BBX: variants seen among roughly 807,000 people sequenced by gnomAD.
BBX encodes the protein BBX high mobility group box domain containing.
A neutral mutation model predicts 100.2 loss-of-function variants in BBX; 30 were observed. That is an observed-to-expected ratio of 0.30 (90% CI 0.22 to 0.41). The LOEUF (loss-of-function observed/expected upper bound fraction) is 0.41, where lower values mean the gene tolerates loss of function less well. BBX is among the 10% of genes least tolerant of loss of function. BBX has a pLI of 1.00. For synonymous variants in BBX, 376 were observed against 388.1 expected (o/e 0.97, Z 0.37); for missense variants, 1,023 against 1,129.8 (o/e 0.91, Z 1.35).
chr3:107,775,326 TATC>T (rs2067235746), intron 12 of BBX, among the ~76,000 whole-genome samples: 1 of 152,114 alleles, frequency 6.6e-6, no homozygotes, highest in South Asian at 2.1e-4. Context: ...AAGATAAAAA[TATC>T]AGGTCAAATA....
intron 4 of BBX, among the ~76,000 whole-genome samples, chr3:107,711,019 C>T (rs540450659): frequency 1.3e-5 from 2 of 152,332 alleles, no homozygotes; most frequent in Admixed American, 6.5e-5. Flanking sequence ...CTCTCTTTGT[C>T]TCTATCCGTG....
chr3:107,781,300 G>C lies in BBX; in HGVS notation c.2203+2781G>C, dbSNP rs73850167. Among the ~76,000 whole-genome samples the C allele has an allele frequency of 5.8e-3, 879 of 152,020 alleles. 13 individuals carry two copies. Among genetic ancestry groups the C allele is most frequent in the African/African-American group, 0.02 (840 of 41,474 alleles). On this transcript the variant is annotated intron_variant, in intron 13 of 17. Transcript: ENST00000325805. ...CTCTTATGTCTGTGTCATAGGTCTT[G>C]TCAAAAACTTGACAATGAAAAGGGA...
chr3:107,809,643 A>G lies in BBX; in HGVS notation c.*4186A>G, dbSNP rs1170075731. 6.6e-6 allele frequency: 1 copy of G among 152,202 alleles called. No homozygotes were observed. The highest frequency in any genetic ancestry group is 1.5e-5 in the Non-Finnish European group (1 of 68,040). The allele number at this position is 152,202 out of a possible 1,614,324, so 9.4% of individuals were successfully genotyped here. A position where few individuals can be genotyped will look rare whatever the true frequency, so the allele number is the denominator to read the frequency against. ...CCACTGCAGTGTTTTGACTTCACAA[A>G]CTGCCTCCTCCAGAGAGAACAATGT... is the stretch of plus-strand genomic sequence containing the variant. On this transcript the variant is annotated 3_prime_UTR_variant, in exon 18 of 18. Transcript: ENST00000325805.
intron 3 of BBX, among the ~76,000 whole-genome samples, chr3:107,667,454 T>C (rs1346414553): frequency 6.6e-6 from 1 of 151,998 alleles, no homozygotes; most frequent in East Asian, 1.9e-4. Flanking sequence ...CTCTAATGAT[T>C]TAAGTTGCAA....
intron 2 of BBX, among the ~76,000 whole-genome samples, chr3:107,591,535 T>G (rs746708417): frequency 1.3e-5 from 2 of 152,244 alleles, no homozygotes; most frequent in African/African-American, 4.8e-5. Flanking sequence ...TGACCCACAC[T>G]GGAGTGCGGT....
chr3:107,800,856 A>G (rs957759734), intron 16 of BBX, among the ~76,000 whole-genome samples: 4 of 152,228 alleles, frequency 2.6e-5, no homozygotes, highest in South Asian at 2.1e-4. Context: ...GATAAAACAC[A>G]GCTTCTCTTC....
intron 2 of BBX, among the ~76,000 whole-genome samples, chr3:107,640,208 C>A (rs770264319): frequency 1.2e-4 from 18 of 152,118 alleles, no homozygotes; most frequent in Non-Finnish European, 2.4e-4. Flanking sequence ...GCTTAGTATA[C>A]CACCATGCTG....
At chr3:107,672,851 G>T (rs79832685) in intron 3 of BBX, among the ~76,000 whole-genome samples, 7,513 of 152,066 alleles carry the variant, frequency 0.049, 296 homozygotes, top group Non-Finnish European at 0.063. Flanking sequence ...AGAGTGTCAC[G>T]ATTTACTTTT....
chr3:107,796,938 G>A (rs1397979812), intron 15 of BBX, among the ~76,000 whole-genome samples: 1 of 152,164 alleles, frequency 6.6e-6, no homozygotes. Context: ...TTGCCAAGTA[G>A]TTTTTTAAAA....
Position 107,774,876 on chromosome 3 carries a change from A to G in BBX, c.2054+19A>G, listed in dbSNP as rs1369023434. On this transcript the variant is annotated intron_variant, in intron 12 of 17. Transcript: ENST00000325805. ...TCCTTGGGTAAGTGCCTGTGAGCAC[A>G]GTCACCTGTACTCCACAAGCCTCAA... is the stretch of plus-strand genomic sequence containing the variant. 6.2e-7 allele frequency: 1 copy of G among 1,612,036 alleles called. No individual in the cohort carries two copies. The highest frequency in any genetic ancestry group is 8.5e-7 in the Non-Finnish European group (1 of 1,178,952).
chr3:107,544,842 A>G (rs535635427), intron 2 of BBX, among the ~76,000 whole-genome samples: 1,264 of 108,674 alleles, frequency 0.012, 22 homozygotes, highest in African/African-American at 0.04. Flanking sequence ...TGTCTCTACT[A>G]AAAAAAAAAA....
chr3:107,746,504 T>C (rs1244528017), intron 8 of BBX, among the ~76,000 whole-genome samples: 1 of 152,244 alleles, frequency 6.6e-6, no homozygotes, highest in Non-Finnish European at 1.5e-5. Context: ...ATATTTGTTC[T>C]TCTTACTGAT....
At chr3:107,574,581 A>G (rs2051633208) in intron 2 of BBX, among the ~76,000 whole-genome samples, 2 of 152,348 alleles carry the variant, frequency 1.3e-5, no homozygotes, top group South Asian at 4.1e-4. Flanking sequence ...AATGAAGTAA[A>G]GGAAATTCTT....
intron 2 of BBX, chr3:107,599,473 A>T (rs638293): frequency 0.78 from 118,158 of 150,736 alleles, 46,727 homozygotes; most frequent in East Asian, 0.99. Flanking sequence ...AATTTTTTTT[A>T]AAAAAAAAGT....
intron 3 of BBX, among the ~76,000 whole-genome samples, chr3:107,654,109 C>T (rs2058000108): frequency 6.6e-6 from 1 of 152,148 alleles, no homozygotes; most frequent in Non-Finnish European, 1.5e-5. Context: ...TTGAAGTCAG[C>T]AGCTATTGTC....
chr3:107,677,838 A>T (rs1204247150), intron 3 of BBX, among the ~76,000 whole-genome samples: 1 of 152,144 alleles, frequency 6.6e-6, no homozygotes, highest in Non-Finnish European at 1.5e-5. Flanking sequence ...TAATCTCTTT[A>T]GCCTATTAGT....
intron 7 of BBX, among the ~76,000 whole-genome samples, chr3:107,735,850 T>A (rs2063601047): frequency 6.6e-6 from 1 of 152,114 alleles, no homozygotes; most frequent in African/African-American, 2.4e-5. Context: ...AATAATAGAT[T>A]TTTTGCATTA....
intron 2 of BBX, among the ~76,000 whole-genome samples, chr3:107,637,039 G>C (rs2056891243): frequency 6.6e-6 from 1 of 152,102 alleles, no homozygotes; most frequent in Admixed American, 6.5e-5. Context: ...AATATAGTTA[G>C]AATGTAATAA....
intron 10 of BBX, among the ~76,000 whole-genome samples, chr3:107,765,455 GTA>G (rs199507648): frequency 0.02 from 3,103 of 152,020 alleles, 44 homozygotes; most frequent in Non-Finnish European, 0.032. Flanking sequence ...GTGTGGGTGT[GTA>G]TGTGTGTGTG....
Sources: gnomAD v4.1 joint callset for allele counts (sites outside exome capture counted in the v4.1 genomes callset) on GRCh38, gnomAD v4.1.1 for gene constraint, MANE v1.5 for transcripts, NCBI Gene and HGNC (gene_info 2026-07-23, HGNC 2026-07-21) for gene names.